CPNE8: variants seen among roughly 807,000 people sequenced by gnomAD.
CPNE8 encodes the protein copine 8, also known as copine-8.
A neutral mutation model predicts 81.5 loss-of-function variants in CPNE8; 45 were observed. The observed-to-expected ratio is 0.55, with a 90% CI of 0.44 to 0.71. CPNE8 has a LOEUF of 0.71. CPNE8 is among the 30% of genes least tolerant of loss of function. The pLI is 0.00. For synonymous variants in CPNE8, 252 were observed against 226.3 expected (o/e 1.11, Z -1.02); for missense variants, 594 against 672.1 (o/e 0.88, Z 1.28).
intron 6 of CPNE8, among the ~76,000 whole-genome samples, chr12:38,799,533 A>G (rs1942599647): frequency 6.6e-6 from 1 of 152,174 alleles, no homozygotes; most frequent in Non-Finnish European, 1.5e-5. Context: ...AATCTCTGGG[A>G]CGCATTCAAA....
chr12:38,654,703 C>T (rs983140008), intron 19 of CPNE8, among the ~76,000 whole-genome samples: 3 of 151,970 alleles, frequency 2.0e-5, no homozygotes, highest in Admixed American at 1.3e-4. Flanking sequence ...GTTCTATACC[C>T]AGCCTGAATC....
intron 18 of CPNE8, among the ~76,000 whole-genome samples, chr12:38,671,329 G>T (rs1051802643): frequency 1.3e-5 from 2 of 151,936 alleles, no homozygotes; most frequent in African/African-American, 4.8e-5. Context: ...TTTACAAATA[G>T]ATTTAACAAC....
rs556362026 is a variant in CPNE8 at position 38,872,934 on chromosome 12, C to A, written c.186+70G>T. On this transcript the variant is annotated intron_variant, in intron 3 of 19. Coordinates refer to ENST00000331366, the MANE Select transcript of CPNE8 (RefSeq NM_153634.3). Reference sequence around the variant, plus strand: ...ACTTACAATGGAAAATAGAAAGTATCATCTTGATCAAGTTATAACTTACTG... The same window carrying A: ...ACTTACAATGGAAAATAGAAAGTATAATCTTGATCAAGTTATAACTTACTG... The A allele has an allele frequency of 3.1e-5, 27 of 859,702 alleles. No individual in the cohort carries two copies. In the African/African-American group the frequency reaches 4.0e-4, roughly 13 times the overall value. 53.3% of individuals were successfully genotyped at this position (859,702 alleles called of 1,614,324 possible). A position where few individuals can be genotyped will look rare whatever the true frequency, so the allele number is the denominator to read the frequency against.
chr12:38,815,828 A>T (rs1337233513), intron 6 of CPNE8, among the ~76,000 whole-genome samples: 1 of 152,206 alleles, frequency 6.6e-6, no homozygotes. Context: ...AATCATAAGG[A>T]GTACAATAAA....
intron 3 of CPNE8, among the ~76,000 whole-genome samples, chr12:38,860,385 CAAA>C (rs36025286): frequency 9.0e-6 from 1 of 111,282 alleles, no homozygotes; most frequent in African/African-American, 3.6e-5. Flanking sequence ...TGGCTATTAT[CAAA>C]AAAAAAAAAA....
intron 6 of CPNE8, among the ~76,000 whole-genome samples, chr12:38,822,181 T>G (rs1418390900): frequency 2.0e-5 from 3 of 152,206 alleles, no homozygotes; most frequent in Non-Finnish European, 4.4e-5. Flanking sequence ...CCTGGATTAT[T>G]TTTTGTAATT....
chr12:38,675,742 T>C lies in CPNE8; in HGVS notation c.1407A>G (p.Val469=). Residue 469 remains valine (V), a synonymous_variant, in exon 18 of 20, where the codon GTA becomes GTG. Transcript: ENST00000331366. ...CATCAAATTCTGCTGGTCCAACACC[T>C]ACTATAATTATTGACATTGGAAGTT... ...ASKLPMSIII[V]GVGPAEFDAM... is the part of the protein sequence containing the mutation. The C allele has an allele frequency of 6.2e-7, 1 of 1,605,158 alleles. No homozygotes were observed. Among genetic ancestry groups the C allele is most frequent in the Non-Finnish European group, 8.5e-7 (1 of 1,172,192 alleles).
chr12:38,774,479 G>A (rs1941880318), intron 7 of CPNE8, among the ~76,000 whole-genome samples: 1 of 152,018 alleles, frequency 6.6e-6, no homozygotes, highest in Non-Finnish European at 1.5e-5. Context: ...TAAAAAAATA[G>A]GATAGGTAAT....
chr12:38,862,070 T>G (rs564418290), intron 3 of CPNE8, among the ~76,000 whole-genome samples: 2 of 152,028 alleles, frequency 1.3e-5, no homozygotes, highest in South Asian at 4.1e-4. Flanking sequence ...CCAATGAAAG[T>G]TTTTACAACC....
At chr12:38,742,117 G>C (rs1474220171) in intron 10 of CPNE8, among the ~76,000 whole-genome samples, 1 of 152,132 alleles carries the variant, frequency 6.6e-6, no homozygotes, top group African/African-American at 2.4e-5. Flanking sequence ...TCAGTGTGGC[G>C]ATTCCTTAGG....
At chr12:38,874,224 C>T (rs1027417407) in intron 2 of CPNE8, among the ~76,000 whole-genome samples, 4 of 152,042 alleles carry the variant, frequency 2.6e-5, no homozygotes, top group Admixed American at 6.6e-5. Context: ...GGCCATAGTA[C>T]GAGGTTTTAA....
intron 2 of CPNE8, among the ~76,000 whole-genome samples, chr12:38,873,638 G>A (rs779639107): frequency 2.9e-4 from 44 of 152,124 alleles, no homozygotes; most frequent in Admixed American, 5.9e-4. Context: ...CAATTGCAAT[G>A]CCTTTTTCCC....
rs986995753 is a variant in CPNE8, at chr12:38,800,135, C to G, written c.408-23834G>C. On this transcript the variant is annotated intron_variant, in intron 6 of 19. Coordinates refer to ENST00000331366, the MANE Select transcript of CPNE8 (RefSeq NM_153634.3). ...AGGTAGACAAAGCAGCCAGGAAGCT[C>G]GAACTGGGTGGAGCCCACCACAACT... is the stretch of plus-strand genomic sequence containing the variant. Among the ~76,000 whole-genome samples, 456 of 121,656 alleles carry G rather than the reference C, an allele frequency of 3.7e-3. 8 individuals are homozygous for G. The highest frequency in any genetic ancestry group is 0.012 in the African/African-American group (433 of 36,972). 79.8% of individuals were successfully genotyped at this position (121,656 alleles called of 152,430 possible).
chr12:38,712,085 G>GTATAT (rs1319517781), intron 13 of CPNE8, among the ~76,000 whole-genome samples: 6 of 151,366 alleles, frequency 4.0e-5, no homozygotes, highest in African/African-American at 1.2e-4. Context: ...TTCTAGACAT[G>GTATAT]TATATTCCAT....
chr12:38,859,470 T>C (rs1943797696), intron 3 of CPNE8, among the ~76,000 whole-genome samples: 1 of 152,116 alleles, frequency 6.6e-6, no homozygotes, highest in South Asian at 2.1e-4. Context: ...GTTAATGGAT[T>C]GGAAAATCAA....
At position 38,844,594 on chromosome 12, in the gene CPNE8, G is replaced by A. The variant is rs141792072; in HGVS notation, c.290+3965C>T. Reference sequence around the variant, plus strand: ...AAGGTAATCTTGAAAATATATCTCAGACATACCATAGTAACAATAAAAAAA... The same window carrying A: ...AAGGTAATCTTGAAAATATATCTCAAACATACCATAGTAACAATAAAAAAA... On this transcript the variant is annotated intron_variant, in intron 4 of 19. Transcript: ENST00000331366. Among the ~76,000 whole-genome samples the A allele has an allele frequency of 3.0e-3, 459 of 152,058 alleles. 5 individuals are homozygous for A. The highest frequency in any genetic ancestry group is 9.9e-3 in the African/African-American group (409 of 41,490).
intron 13 of CPNE8, among the ~76,000 whole-genome samples, chr12:38,721,435 A>G (rs1940561844): frequency 6.6e-6 from 1 of 152,104 alleles, no homozygotes; most frequent in Non-Finnish European, 1.5e-5. Flanking sequence ...CCTCTCTGCT[A>G]GGAGCTAAAC....
At chr12:38,843,185 G>A (rs1025012888) in intron 4 of CPNE8, among the ~76,000 whole-genome samples, 2 of 152,160 alleles carry the variant, frequency 1.3e-5, no homozygotes, top group African/African-American at 4.8e-5. Flanking sequence ...GTAATGAATT[G>A]GCAGTAGCTG....
Position 38,790,790 on chromosome 12 carries a change from G to A in CPNE8, c.408-14489C>T, listed in dbSNP as rs184760244. 1.3e-3 allele frequency among the ~76,000 whole-genome samples: 192 copies of A among 151,434 alleles called. 1 individual carries two copies. Among genetic ancestry groups the A allele is most frequent in the African/African-American group, 4.3e-3 (177 of 41,410 alleles). On this transcript the variant is annotated intron_variant, in intron 6 of 19. Transcript: ENST00000331366. ...CAACAAACAAACAAAAAACAAAATCGAGCACATGAAGAATAAATGACCTTT... is the reference window on the plus strand; with the variant it reads ...CAACAAACAAACAAAAAACAAAATCAAGCACATGAAGAATAAATGACCTTT...
Sources: allele counts gnomAD v4.1 joint callset (sites outside exome capture counted in the v4.1 genomes callset), GRCh38; gene constraint gnomAD v4.1.1; transcripts MANE v1.5; gene names NCBI Gene and HGNC (gene_info 2026-07-23, HGNC 2026-07-21).